The following UVRAG variants were observed in gnomAD, a reference collection of about 807,000 sequenced individuals.
The protein encoded by UVRAG is UV radiation resistance-associated gene protein.
A neutral mutation model predicts 78.0 loss-of-function variants in UVRAG; 19 were observed. The ratio of observed to expected loss-of-function variants is 0.24; its 90% CI spans 0.17 to 0.36. UVRAG has a LOEUF of 0.36. Ranked by LOEUF, UVRAG falls within the 10% of genes least tolerant of loss-of-function variation. The probability of loss-of-function intolerance (pLI) is 1.00; values close to 1 mark genes in which losing one functional copy is unlikely to be tolerated. For synonymous variants in UVRAG, 323 were observed against 324.6 expected (o/e 1.00, Z 0.05); for missense variants, 740 against 853.8 (o/e 0.87, Z 1.66).
chr11:75,942,496 T>A (rs1948505029), intron 6 of UVRAG: 2 of 152,158 alleles, frequency 1.3e-5, no homozygotes, highest in African/African-American at 4.8e-5. Flanking sequence ...AGAGTCTTTC[T>A]CTCTGAGACT....
At chr11:75,966,880 G>C (rs1438196790) in intron 7 of UVRAG, among the ~76,000 whole-genome samples, 1 of 152,166 alleles carries the variant, frequency 6.6e-6, no homozygotes, top group Non-Finnish European at 1.5e-5. Flanking sequence ...TGCATGTGTA[G>C]TATAGGATTC....
chr11:75,846,184 T>TA (rs1414593420), intron 1 of UVRAG, among the ~76,000 whole-genome samples: 5 of 152,324 alleles, frequency 3.3e-5, no homozygotes, highest in African/African-American at 7.2e-5. Context: ...CACTAGACCT[T>TA]ATACTCGAGA....
At chr11:76,116,052 T>G in intron 14 of UVRAG, 37 bp downstream of exon 14, 1 of 1,585,414 alleles carries the variant, frequency 6.3e-7, no homozygotes. Flanking sequence ...GAAACTGTAA[T>G]GTGGATAGGA....
intron 7 of UVRAG, among the ~76,000 whole-genome samples, chr11:75,977,989 T>A (rs1036291552): frequency 6.6e-6 from 1 of 152,214 alleles, no homozygotes; most frequent in African/African-American, 2.4e-5. Context: ...ATTTGGCATG[T>A]TTTTGCAGTG....
intron 8 of UVRAG, among the ~76,000 whole-genome samples, chr11:76,003,409 C>T (rs1297845348): frequency 2.6e-5 from 4 of 151,282 alleles, no homozygotes; most frequent in African/African-American, 7.3e-5. Flanking sequence ...TTAGTAGAGA[C>T]GGGGTTTCAC....
At chr11:76,127,481 C>T (rs112375317) in intron 14 of UVRAG, among the ~76,000 whole-genome samples, 1,926 of 151,310 alleles carry the variant, frequency 0.013, 46 homozygotes, top group African/African-American at 0.044. Context: ...GGTGAAAACC[C>T]GTCTCTATTA....
rs186328202 is a variant in UVRAG at position 76,044,441 on chromosome 11, A to G, written c.1227-21269A>G. Among the ~76,000 whole-genome samples the G allele has an allele frequency of 2.0e-5, 3 of 152,284 alleles. No individual in the cohort carries two copies. In the East Asian group the frequency reaches 5.8e-4, roughly 29 times the overall value. ...TGAACAAATGTGCTTATCTTTTCTCACCAAAATGCCAATGAAATAACAGTA... is the reference window on the plus strand; with the variant it reads ...TGAACAAATGTGCTTATCTTTTCTCGCCAAAATGCCAATGAAATAACAGTA... On this transcript the variant is annotated intron_variant, in intron 12 of 14. Transcript: ENST00000356136.
rs1951006321 is a variant in UVRAG at position 76,057,563 on chromosome 11, A to T, written c.1227-8147A>T. On this transcript the variant is annotated intron_variant, in intron 12 of 14. Transcript: ENST00000356136. ...AAATGTAACTTTTTAACATGGAAAC[A>T]GATGCTGAAATATTTTCAGTCCCCA... 2.6e-5 allele frequency among the ~76,000 whole-genome samples: 4 copies of T among 152,250 alleles called. No homozygotes were observed. In the South Asian group the frequency reaches 8.3e-4, roughly 31 times the overall value.
chr11:75,901,365 A>G (rs901569280), intron 5 of UVRAG, among the ~76,000 whole-genome samples: 3 of 152,198 alleles, frequency 2.0e-5, no homozygotes, highest in Non-Finnish European at 4.4e-5. Flanking sequence ...ATGAATAAAT[A>G]TAGAACACTG....
intron 13 of UVRAG, among the ~76,000 whole-genome samples, chr11:76,096,716 C>T (rs959463277): frequency 2.0e-5 from 3 of 152,178 alleles, no homozygotes; most frequent in African/African-American, 7.2e-5. Context: ...TTGCTGTCAT[C>T]TGGGTGGAAA....
chr11:75,958,666 A>C (rs189628965), intron 6 of UVRAG, among the ~76,000 whole-genome samples: 2 of 152,140 alleles, frequency 1.3e-5, no homozygotes, highest in Non-Finnish European at 2.9e-5. Flanking sequence ...GTTAATGTTG[A>C]TATTTTTATC....
chr11:75,929,807 G>A (rs1400831974), intron 6 of UVRAG, among the ~76,000 whole-genome samples: 6 of 152,138 alleles, frequency 3.9e-5, no homozygotes. Flanking sequence ...AGTTTATCAG[G>A]CAGTATAAGG....
chr11:75,907,483 G>T (rs1329036584), intron 5 of UVRAG, among the ~76,000 whole-genome samples: 1 of 151,224 alleles, frequency 6.6e-6, no homozygotes, highest in African/African-American at 2.4e-5. Context: ...TGTGTGTGTT[G>T]TGGTGTATTA....
At chr11:75,975,415 A>T (rs991960908) in intron 7 of UVRAG, among the ~76,000 whole-genome samples, 30 of 152,310 alleles carry the variant, frequency 2.0e-4, no homozygotes, top group African/African-American at 7.0e-4. Context: ...AGTCATTGGT[A>T]GCTTGATGGG....
intron 4 of UVRAG, among the ~76,000 whole-genome samples, chr11:75,881,257 A>T (rs960988165): frequency 6.6e-6 from 1 of 152,208 alleles, no homozygotes; most frequent in African/African-American, 2.4e-5. Context: ...GACGTGCCCA[A>T]GGTGGTTGGG....
chr11:75,902,448 G>A (rs1947524815), intron 5 of UVRAG, among the ~76,000 whole-genome samples: 1 of 152,216 alleles, frequency 6.6e-6, no homozygotes, highest in South Asian at 2.1e-4. Context: ...CTCAGGTGGT[G>A]ATGCTTGCCC....
chr11:76,127,607 C>T (rs1453839651), intron 14 of UVRAG, among the ~76,000 whole-genome samples: 1 of 145,174 alleles, frequency 6.9e-6, no homozygotes, highest in Non-Finnish European at 1.5e-5. Flanking sequence ...GCACTCCAGC[C>T]TGGGCAACAA....
At chr11:75,850,749 A>G (rs918935874) in intron 1 of UVRAG, among the ~76,000 whole-genome samples, 2 of 152,236 alleles carry the variant, frequency 1.3e-5, no homozygotes, top group Non-Finnish European at 2.9e-5. Flanking sequence ...AATGGAAACC[A>G]TTGGCAGATT....
intron 8 of UVRAG, among the ~76,000 whole-genome samples, chr11:75,990,371 A>G (rs1291282189): frequency 6.6e-6 from 1 of 152,178 alleles, no homozygotes; most frequent in African/African-American, 2.4e-5. Flanking sequence ...AGTTCTGCTG[A>G]TGTTTCTGGT....
Sources: gnomAD v4.1 joint callset for allele counts (sites outside exome capture counted in the v4.1 genomes callset) on GRCh38, gnomAD v4.1.1 for gene constraint, MANE v1.5 for transcripts, NCBI Gene and HGNC (gene_info 2026-07-23, HGNC 2026-07-21) for gene names.